XYLB: variants seen among roughly 807,000 people sequenced by gnomAD.
XYLB encodes the protein xylulokinase, also known as xylulose kinase.
Under a neutral mutation model 78.7 loss-of-function variants are expected in XYLB, and 62 were observed. That is an observed-to-expected ratio of 0.79 (90% CI 0.64 to 0.97). The LOEUF (loss-of-function observed/expected upper bound fraction) is 0.97, where lower values mean the gene tolerates loss of function less well. Ranked by LOEUF, XYLB falls within the 50% of genes least tolerant of loss-of-function variation. The probability of loss-of-function intolerance (pLI) is 0.00; values close to 1 mark genes in which losing one functional copy is unlikely to be tolerated. For missense variants in XYLB, 687 were observed against 676.8 expected, an observed-to-expected ratio of 1.02 and a Z score of -0.17; for synonymous variants, 245 against 247.4, an observed-to-expected ratio of 0.99 and a Z score of 0.09.
chr3:38,388,169 G>GTTTTGTTT (rs777492111), intron 15 of XYLB, among the ~76,000 whole-genome samples: 1 of 109,346 alleles, frequency 9.1e-6, no homozygotes, highest in Admixed American at 9.8e-5. Flanking sequence ...GTTTTTTTTT[G>GTTTTGTTT]TTTTTTTTTT....
chr3:38,427,008 G>A, the XYLB span, among the ~76,000 whole-genome samples: 1 of 152,230 alleles, frequency 6.6e-6, no homozygotes, highest in Admixed American at 6.5e-5. Context: ...GCCAGAGCCT[G>A]TTTCTCTGCT....
At position 38,366,875 on chromosome 3, in the gene XYLB, T is replaced by C. The variant is rs149290; in HGVS notation, c.573+2T>C. ...CCCGAGGCCTACTCACATACGGAGG[T>C]TGGTTAAATGTTCCTGTTTGATTGA... On this transcript the variant is annotated splice_donor_variant, in intron 7 of 18. Coordinates refer to ENST00000207870, the MANE Select transcript of XYLB (RefSeq NM_005108.4). LOFTEE classifies it high-confidence loss of function. 1.2e-6 allele frequency: 2 copies of C among 1,602,904 alleles called. No homozygotes were observed. Among genetic ancestry groups the C allele is most frequent in the Non-Finnish European group, 1.7e-6 (2 of 1,170,864 alleles).
downstream of XYLB, among the ~76,000 whole-genome samples, chr3:38,422,536 G>A (rs895550406): frequency 6.6e-6 from 1 of 152,218 alleles, no homozygotes; most frequent in Non-Finnish European, 1.5e-5. Context: ...GGCCGTCTGT[G>A]TGGCCAATTC....
chr3:38,396,282 G>T (rs1259732821), intron 16 of XYLB, among the ~76,000 whole-genome samples: 1 of 152,216 alleles, frequency 6.6e-6, no homozygotes, highest in Admixed American at 6.5e-5. Flanking sequence ...GATAAGTGAG[G>T]ATATGGTCTT....
rs138948142 is a variant in XYLB at position 38,348,689 on chromosome 3, G to T, written c.140+57G>T. On this transcript the variant is annotated intron_variant, in intron 2 of 18. Coordinates refer to ENST00000207870, the MANE Select transcript of XYLB (RefSeq NM_005108.4). ...GGGGTGTTGGTTTTGGGGTCCTCCC[G>T]CAAACTTTTGTATTCGCAGACCGCA... 5 of 1,535,086 alleles carry T rather than the reference G, an allele frequency of 3.3e-6. No homozygotes were observed. In the South Asian group the frequency reaches 4.5e-5, roughly 14 times the overall value.
At chr3:38,365,056 G>A (rs1706174021) in intron 4 of XYLB, 143 bp from the exon 5 acceptor site, 4 of 667,666 alleles carry the variant, frequency 6.0e-6, no homozygotes, top group Admixed American at 2.6e-5. Context: ...TCCCAGGAGG[G>A]TGATGAGCTC....
downstream of XYLB, among the ~76,000 whole-genome samples, chr3:38,423,525 TA>T: frequency 6.6e-6 from 1 of 152,336 alleles, no homozygotes; most frequent in East Asian, 1.9e-4. Context: ...GTCATAGATT[TA>T]AAAGACTGTT....
intron 2 of XYLB, among the ~76,000 whole-genome samples, chr3:38,359,986 G>A (rs900946606): frequency 2.6e-5 from 4 of 152,150 alleles, no homozygotes; most frequent in Admixed American, 6.5e-5. Flanking sequence ...TCCCTCCGAC[G>A]CAGCATCTCT....
chr3:38,408,253 T>C (rs1575541135), intron 18 of XYLB, among the ~76,000 whole-genome samples: 2 of 152,194 alleles, frequency 1.3e-5, no homozygotes, highest in East Asian at 3.9e-4. Flanking sequence ...CTCAGCTGCA[T>C]GGAAACTGAA....
intron 9 of XYLB, 64 bp downstream of exon 9, chr3:38,370,238 G>GTGCACACACACACACACA (rs1440382804): frequency 9.8e-5 from 32 of 326,718 alleles, no homozygotes; most frequent in Non-Finnish European, 1.5e-4. Context: ...AAGCACTGTA[G>GTGCACACACACACACACA]CGCACACACA....
At position 38,351,171 on chromosome 3, in the gene XYLB, C is replaced by CAAAAAAAAAAAAAAAAAA. The variant is rs58457623; in HGVS notation, c.140+2550_140+2567dup. Among the ~76,000 whole-genome samples the CAAAAAAAAAAAAAAAAAA allele has an allele frequency of 3.9e-4, 9 of 23,086 alleles. 1 individual carries two copies. The highest frequency in any genetic ancestry group is 2.0e-3 in the South Asian group (1 of 488). 15.1% of individuals were successfully genotyped at this position (23,086 alleles called of 152,430 possible). On this transcript the variant is annotated intron_variant, in intron 2 of 18. Coordinates refer to ENST00000207870, the MANE Select transcript of XYLB (RefSeq NM_005108.4). ...TGGACAACAGAGGGAGAGCCTGTCT[C>CAAAAAAAAAAAAAAAAAA]AAAAAAAAAAAAAAAAAAAAAAAAA...
At position 38,372,481 on chromosome 3, in the gene XYLB, G is replaced by A. The variant is rs573717699; in HGVS notation, c.766-174G>A. 1.0e-5 allele frequency: 10 copies of A among 985,270 alleles called. No individual in the cohort carries two copies. The African/African-American group carries it at 1.7e-4, about 17-fold the overall frequency. 61.0% of individuals were successfully genotyped at this position (985,270 alleles called of 1,614,324 possible). On this transcript the variant is annotated intron_variant, in intron 9 of 18. Coordinates refer to ENST00000207870, the MANE Select transcript of XYLB (RefSeq NM_005108.4). Reference sequence around the variant, plus strand: ...CTTCTCTGGCGATTTGTGAACAGGAGGGACATGCCCAGTTTGTGACAGGAA... The same window carrying A: ...CTTCTCTGGCGATTTGTGAACAGGAAGGACATGCCCAGTTTGTGACAGGAA...
chr3:38,396,858 A>G (rs1478771355), intron 16 of XYLB, among the ~76,000 whole-genome samples: 1 of 152,090 alleles, frequency 6.6e-6, no homozygotes, highest in Non-Finnish European at 1.5e-5. Flanking sequence ...CAGCCTGGGG[A>G]GCTGTGGCTC....
rs766980634 is a variant in XYLB, at chr3:38,375,226, C to T, written c.971C>T (p.Pro324Leu). The change falls in exon 12 of 19, where the codon CCG (proline) becomes CTG (leucine). Residue 324 changes from proline (P) to leucine (L), a missense_variant. Coordinates refer to ENST00000207870, the MANE Select transcript of XYLB (RefSeq NM_005108.4). ...CTGGAAGGCCACATCTTCTGCAACC[C>T]GGTTGACTCCCAGCACTACATGGCA... ...PALEGHIFCN[P>L]VDSQHYMALL... 12 of 1,614,218 alleles carry T rather than the reference C, an allele frequency of 7.4e-6. No homozygotes were observed. Among genetic ancestry groups the T allele is most frequent in the Admixed American group, 5.0e-5 (3 of 60,030 alleles).
chr3:38,418,856 T>G (rs1446206770), downstream of XYLB, among the ~76,000 whole-genome samples: 2 of 152,184 alleles, frequency 1.3e-5, no homozygotes, highest in Admixed American at 1.3e-4. Flanking sequence ...TGGAAAAGTG[T>G]TCATTTTTTC....
At chr3:38,408,043 A>C (rs1328052376) in intron 18 of XYLB, among the ~76,000 whole-genome samples, 2 of 152,034 alleles carry the variant, frequency 1.3e-5, no homozygotes, top group Non-Finnish European at 2.9e-5. Context: ...CCTAATAGAC[A>C]TCTACAGAAC....
chr3:38,377,406 T>C (rs562042112), intron 14 of XYLB, among the ~76,000 whole-genome samples: 34 of 151,862 alleles, frequency 2.2e-4, no homozygotes, highest in Admixed American at 3.9e-4. Flanking sequence ...CCAGGCATTG[T>C]GCTCATGGTT....
chr3:38,438,621 G>A, the XYLB span, among the ~76,000 whole-genome samples: 113 of 152,346 alleles, frequency 7.4e-4, no homozygotes, highest in Non-Finnish European at 6.8e-4. Context: ...GCGGACCTTT[G>A]TGGTGAGTGT....
chr3:38,444,161 G>T, the XYLB span, among the ~76,000 whole-genome samples: 1 of 152,192 alleles, frequency 6.6e-6, no homozygotes, highest in Non-Finnish European at 1.5e-5. Context: ...CCTAGACCCT[G>T]TAGGACATCT....
Sources: gnomAD v4.1 joint callset for allele counts (sites outside exome capture counted in the v4.1 genomes callset) on GRCh38, gnomAD v4.1.1 for gene constraint, MANE v1.5 for transcripts, NCBI Gene and HGNC (gene_info 2026-07-23, HGNC 2026-07-21) for gene names.